The following COL11A1 variants were observed in gnomAD, a reference collection of about 807,000 sequenced individuals.
The protein encoded by COL11A1 is collagen type XI alpha 1 chain.
A neutral mutation model predicts 265.2 loss-of-function variants in COL11A1; 74 were observed. The observed-to-expected ratio is 0.28, with a 90% confidence interval of 0.23 to 0.34. The LOEUF (loss-of-function observed/expected upper bound fraction) is 0.34. COL11A1 is among the 10% of genes least tolerant of loss of function. The pLI is 1.00. For missense variants in COL11A1, 2,165 were observed against 2,263.6 expected (o/e 0.96, Z 0.88); for synonymous variants, 816 against 727.6 (o/e 1.12, Z -1.96).
At chr1:103,023,146 A>G (rs1667238464) in intron 7 of COL11A1, 150 bp from the exon 8 acceptor site, 1 of 742,610 alleles carries the variant, frequency 1.3e-6, no homozygotes, top group South Asian at 1.6e-5. Flanking sequence ...GTAGGCTTTC[A>G]GTATCATTGA....
intron 39 of COL11A1, 113 bp downstream of exon 39, chr1:102,962,540 T>C: frequency 1.0e-6 from 1 of 952,626 alleles, no homozygotes; most frequent in Non-Finnish European, 1.7e-6. Context: ...TTAAATATTT[T>C]CCTGACACAT....
At chr1:102,884,044 A>G (rs1650616903) in intron 63 of COL11A1, among the ~76,000 whole-genome samples, 1 of 152,170 alleles carries the variant, frequency 6.6e-6, no homozygotes, top group Admixed American at 6.5e-5. Flanking sequence ...TTTAGTTAAC[A>G]AAAGTTACTA....
chr1:103,098,538 G>C (rs1673974991), intron 1 of COL11A1, among the ~76,000 whole-genome samples: 1 of 151,768 alleles, frequency 6.6e-6, no homozygotes, highest in South Asian at 2.1e-4. Flanking sequence ...CAGTCCTCTT[G>C]ACTTTATTGA....
chr1:103,021,801 T>C (rs777630034), intron 8 of COL11A1, 32 bp from the exon 9 acceptor site: 27 of 1,423,392 alleles, frequency 1.9e-5, no homozygotes, highest in Non-Finnish European at 2.4e-5. Context: ...ACAGCCTAAA[T>C]GTCTGTAAGA....
chr1:103,108,500 C>T lies in COL11A1; in HGVS notation c.-322G>A, dbSNP rs1674895539. 3 of 574,610 alleles carry T rather than the reference C, an allele frequency of 5.2e-6. No individual in the cohort carries two copies. Among genetic ancestry groups the T allele is most frequent in the African/African-American group, 1.9e-5 (1 of 53,296 alleles). The allele number at this position is 574,610 out of a possible 1,614,324, so 35.6% of individuals were successfully genotyped here. On this transcript the variant is annotated 5_prime_UTR_variant, in exon 1 of 67. Transcript: ENST00000370096. Reference sequence around the variant, plus strand: ...CAACAAGCTGAGAGTACTGTGTGCCCCTAAAGGCTTCATGCCGTCAGTGGG... The same window carrying T: ...CAACAAGCTGAGAGTACTGTGTGCCTCTAAAGGCTTCATGCCGTCAGTGGG...
chr1:103,010,682 TC>T (rs1666035360), intron 14 of COL11A1, among the ~76,000 whole-genome samples: 1 of 151,962 alleles, frequency 6.6e-6, no homozygotes. Flanking sequence ...GTTTTAGATA[TC>T]CTAGGACTGA....
chr1:103,077,481 T>C (rs989803932), intron 3 of COL11A1, among the ~76,000 whole-genome samples: 1 of 152,132 alleles, frequency 6.6e-6, no homozygotes, highest in Non-Finnish European at 1.5e-5. Flanking sequence ...CGTGCTATTA[T>C]ATCTAATTTG....
chr1:102,919,005 G>A (rs1221867466), intron 49 of COL11A1, among the ~76,000 whole-genome samples: 4 of 152,016 alleles, frequency 2.6e-5, no homozygotes, highest in Non-Finnish European at 5.9e-5. Flanking sequence ...AAAAGGAGAT[G>A]ATGCAAAGAG....
chr1:103,069,428 A>G (rs1188573670), intron 4 of COL11A1, among the ~76,000 whole-genome samples: 7 of 151,868 alleles, frequency 4.6e-5, no homozygotes, highest in African/African-American at 1.4e-4. Flanking sequence ...GTCATGACCC[A>G]TGTGCAAATC....
At chr1:102,979,185 A>G in intron 32 of COL11A1, 81 bp from the exon 33 acceptor site, 1 of 1,356,382 alleles carries the variant, frequency 7.4e-7, no homozygotes, top group Non-Finnish European at 1.1e-6. Context: ...TAGTCATGCA[A>G]GAACATCATT....
chr1:103,021,973 A>G (rs1667120678), intron 8 of COL11A1, among the ~76,000 whole-genome samples: 1 of 149,000 alleles, frequency 6.7e-6, no homozygotes, highest in Non-Finnish European at 1.5e-5. Context: ...CAGCCTCCCG[A>G]GTAGCTGAGA....
rs373760183 is a variant in COL11A1 at position 102,898,781 on chromosome 1, A to T, written c.4141-8T>A. 20 of 1,610,284 alleles carry T rather than the reference A, an allele frequency of 1.2e-5. No homozygotes were observed. The highest frequency in any genetic ancestry group is 1.7e-5 in the Non-Finnish European group (20 of 1,177,360). On this transcript the variant is annotated splice_region_variant and splice_polypyrimidine_tract_variant and intron_variant, in intron 55 of 66. Coordinates refer to ENST00000370096, the MANE Select transcript of COL11A1 (RefSeq NM_001854.4). ...TTCTGCACCTGCTTCCCCCTGTTAG[A>T]AAGTAAAATATGGGAGCACATTAGT... is the stretch of plus-strand genomic sequence containing the variant.
chr1:103,052,278 G>A (rs1439160681), intron 4 of COL11A1, among the ~76,000 whole-genome samples: 1 of 151,924 alleles, frequency 6.6e-6, no homozygotes, highest in Non-Finnish European at 1.5e-5. Context: ...AAACCTTAAT[G>A]TTTAATTCCT....
chr1:103,020,054 T>C (rs1666892941), intron 9 of COL11A1, among the ~76,000 whole-genome samples: 2 of 150,946 alleles, frequency 1.3e-5, no homozygotes, highest in Admixed American at 6.6e-5. Flanking sequence ...AACATACATG[T>C]GCATGTATCT....
At chr1:103,014,257 C>G (rs552649226) in intron 13 of COL11A1, among the ~76,000 whole-genome samples, 1 of 151,942 alleles carries the variant, frequency 6.6e-6, no homozygotes, top group East Asian at 1.9e-4. Flanking sequence ...AGAAATCTTG[C>G]GTGTTATGGT....
In COL11A1 at chr1:102,891,066, A is replaced by G. The variant is rs183840064; in HGVS notation, c.4303-562T>C. ...TAGAATAAGAAGATAATTCCTATAT[A>G]TACTAAATTAAAACATGGAACTCTG... On this transcript the variant is annotated intron_variant, in intron 57 of 66. Coordinates refer to ENST00000370096, the MANE Select transcript of COL11A1 (RefSeq NM_001854.4). Among the ~76,000 whole-genome samples, 36 of 152,222 alleles carry G rather than the reference A, an allele frequency of 2.4e-4. 1 individual carries two copies. In the East Asian group the frequency reaches 6.6e-3, roughly 28 times the overall value.
chr1:102,906,666 C>T (rs528977058), intron 54 of COL11A1, among the ~76,000 whole-genome samples: 18 of 152,222 alleles, frequency 1.2e-4, no homozygotes, highest in African/African-American at 4.1e-4. Context: ...TCTGAAAGTG[C>T]TGGGATTACA....
intron 4 of COL11A1, among the ~76,000 whole-genome samples, chr1:103,071,695 G>C (rs533546051): frequency 6.6e-6 from 1 of 151,148 alleles, no homozygotes; most frequent in Non-Finnish European, 1.5e-5. Flanking sequence ...CAGACAGAGG[G>C]ACCCACGAGG....
intron 4 of COL11A1, among the ~76,000 whole-genome samples, chr1:103,046,403 G>C (rs1478142615): frequency 4.0e-5 from 6 of 151,398 alleles, no homozygotes; most frequent in Admixed American, 6.6e-5. Context: ...TAAATGTCTT[G>C]TTTTGAGAAG....
Sources: gnomAD v4.1 joint callset for allele counts (sites outside exome capture counted in the v4.1 genomes callset) on GRCh38, gnomAD v4.1.1 for gene constraint, MANE v1.5 for transcripts, NCBI Gene and HGNC (gene_info 2026-07-23, HGNC 2026-07-21) for gene names.